Variants in IMMP2L observed in about 807,000 individuals in gnomAD.
IMMP2L encodes inner mitochondrial membrane peptidase subunit 2.
In IMMP2L, 18 loss-of-function variants were observed where a neutral mutation model predicts 19.3. The ratio of observed to expected loss-of-function variants is 0.93; its 90% CI spans 0.64 to 1.38. IMMP2L has a LOEUF of 1.38. IMMP2L is among the 40% of genes most tolerant of loss of function. The pLI is 0.00. For synonymous variants in IMMP2L, 76 were observed against 73.0 expected (o/e 1.04, Z -0.21); for missense variants, 233 against 218.2 (o/e 1.07, Z -0.43).
At chr7:111,116,295 A>G (rs2129585617) in intron 3 of IMMP2L, among the ~76,000 whole-genome samples, 1 of 152,302 alleles carries the variant, frequency 6.6e-6, no homozygotes, top group Admixed American at 6.5e-5. Flanking sequence ...AGGACATAAA[A>G]TAAAATTGCC....
At chr7:111,441,492 T>G (rs1837713080) in intron 3 of IMMP2L, among the ~76,000 whole-genome samples, 2 of 151,680 alleles carry the variant, frequency 1.3e-5, no homozygotes, top group African/African-American at 4.9e-5. Flanking sequence ...ACTTACTGAT[T>G]AGGTCGGGCA....
chr7:111,411,616 G>A, intron 3 of IMMP2L: 1 of 284,162 alleles, frequency 3.5e-6, no homozygotes, highest in Non-Finnish European at 7.0e-6. Context: ...ATCGGGAAGT[G>A]CACAAAATCA....
At chr7:110,941,204 A>G (rs895648651) in intron 4 of IMMP2L, among the ~76,000 whole-genome samples, 4 of 152,210 alleles carry the variant, frequency 2.6e-5, no homozygotes, top group African/African-American at 9.6e-5. Flanking sequence ...TGGGAGAAAC[A>G]TCCCATATTC....
intron 3 of IMMP2L, among the ~76,000 whole-genome samples, chr7:111,151,934 TCAAA>T (rs1175089877): frequency 4.6e-5 from 7 of 152,166 alleles, no homozygotes; most frequent in Non-Finnish European, 8.8e-5. Context: ...TCACTCTGTC[TCAAA>T]CAAACGAACA....
chr7:111,389,847 G>C (rs1255595845), intron 3 of IMMP2L, among the ~76,000 whole-genome samples: 1 of 152,122 alleles, frequency 6.6e-6, no homozygotes, highest in African/African-American at 2.4e-5. Context: ...GCTTGTGCTA[G>C]AGGCTAATAC....
At chr7:110,794,455 G>A (rs988201275) in intron 5 of IMMP2L, among the ~76,000 whole-genome samples, 11 of 151,920 alleles carry the variant, frequency 7.2e-5, no homozygotes, top group South Asian at 2.1e-4. Context: ...ACAAAACTAC[G>A]GAGACAGTTT....
intron 5 of IMMP2L, among the ~76,000 whole-genome samples, chr7:110,820,665 A>G (rs1250458291): frequency 6.6e-6 from 1 of 152,044 alleles, no homozygotes; most frequent in Non-Finnish European, 1.5e-5. Context: ...CAAATTTATC[A>G]ATAAAGGAGA....
chr7:111,447,265 C>T (rs1481768635), intron 3 of IMMP2L, among the ~76,000 whole-genome samples: 1 of 118,772 alleles, frequency 8.4e-6, no homozygotes, highest in Non-Finnish European at 1.7e-5. Flanking sequence ...TCAGATTCAC[C>T]AAAGTTGAAA....
Position 111,435,287 on chromosome 7 carries a change from T to C in IMMP2L, c.239+51951A>G, listed in dbSNP as rs148400644. ...CAAAGGTATGGAATCAACCTAAATGTCCATCAATGGAGGATTTCATAAAGA... is the reference window on the plus strand; with the variant it reads ...CAAAGGTATGGAATCAACCTAAATGCCCATCAATGGAGGATTTCATAAAGA... On this transcript the variant is annotated intron_variant, in intron 3 of 5. Transcript: ENST00000405709. Among the ~76,000 whole-genome samples the C allele has an allele frequency of 2.2e-3, 327 of 151,920 alleles. 11 individuals carry two copies. Among genetic ancestry groups the C allele is most frequent in the African/African-American group, 7.5e-3 (310 of 41,250 alleles).
intron 3 of IMMP2L, among the ~76,000 whole-genome samples, chr7:111,016,728 AAAAT>A (rs1382792640): frequency 1.0e-5 from 1 of 97,986 alleles, no homozygotes; most frequent in East Asian, 2.9e-4. Flanking sequence ...ATTTATATAT[AAAAT>A]ATATATATTA....
At chr7:111,082,855 C>CAAAA (rs59384730) in intron 3 of IMMP2L, among the ~76,000 whole-genome samples, 1 of 71,178 alleles carries the variant, frequency 1.4e-5, no homozygotes, top group African/African-American at 4.2e-5. Flanking sequence ...GCGATTTTGC[C>CAAAA]AAAAAAAAAA....
chr7:111,220,048 TTA>T (rs1172648797), intron 3 of IMMP2L, among the ~76,000 whole-genome samples: 1 of 152,066 alleles, frequency 6.6e-6, no homozygotes, highest in African/African-American at 2.4e-5. Context: ...CACTATAGAA[TTA>T]TGTCACTTAT....
At chr7:110,680,535 A>G (rs181994816) in intron 5 of IMMP2L, among the ~76,000 whole-genome samples, 3 of 152,306 alleles carry the variant, frequency 2.0e-5, no homozygotes, top group Admixed American at 2.0e-4. Context: ...TGACTTCTCA[A>G]GAAGAAACAG....
intron 3 of IMMP2L, among the ~76,000 whole-genome samples, chr7:111,028,840 T>A (rs1365305547): frequency 6.6e-6 from 1 of 152,180 alleles, no homozygotes. Flanking sequence ...TGATTGGATT[T>A]GACATAAGGA....
At chr7:110,953,750 A>G (rs1585421589) in intron 4 of IMMP2L, among the ~76,000 whole-genome samples, 1 of 152,204 alleles carries the variant, frequency 6.6e-6, no homozygotes, top group Non-Finnish European at 1.5e-5. Flanking sequence ...CACACTGTCT[A>G]CCACAATGGT....
At chr7:111,556,058 C>T (rs538792716) in intron 1 of IMMP2L, among the ~76,000 whole-genome samples, 4 of 59,992 alleles carry the variant, frequency 6.7e-5, no homozygotes, top group Admixed American at 2.3e-4. Flanking sequence ...AAAATGAAAC[C>T]GCAACCTTGT....
At chr7:111,286,310 G>T (rs557371185) in intron 3 of IMMP2L, among the ~76,000 whole-genome samples, 1 of 152,036 alleles carries the variant, frequency 6.6e-6, no homozygotes, top group East Asian at 1.9e-4. Context: ...TTCTCCTATG[G>T]TTGTTCATAA....
At chr7:111,018,108 C>T (rs555538819) in intron 3 of IMMP2L, among the ~76,000 whole-genome samples, 1 of 152,140 alleles carries the variant, frequency 6.6e-6, no homozygotes, top group East Asian at 1.9e-4. Context: ...AAGGCAGCAT[C>T]ATTATTCTAC....
intron 3 of IMMP2L, among the ~76,000 whole-genome samples, chr7:111,276,469 T>A (rs1370174849): frequency 2.0e-5 from 3 of 152,052 alleles, no homozygotes; most frequent in Non-Finnish European, 4.4e-5. Context: ...ATAGAGTAAG[T>A]TAGGAAGAAT....
Sources: gnomAD v4.1 joint callset for allele counts (sites outside exome capture counted in the v4.1 genomes callset) on GRCh38, gnomAD v4.1.1 for gene constraint, MANE v1.5 for transcripts, NCBI Gene and HGNC (gene_info 2026-07-23, HGNC 2026-07-21) for gene names.